The following CFAP44 variants were observed in gnomAD, a reference collection of about 807,000 sequenced individuals.
The protein encoded by CFAP44 is cilia- and flagella-associated protein 44.
Under a neutral mutation model 216.2 loss-of-function variants are expected in CFAP44, and 134 were observed. The ratio of observed to expected loss-of-function variants is 0.62; its 90% CI spans 0.54 to 0.72. CFAP44 has a LOEUF of 0.72. Among genes scored for constraint, CFAP44 ranks in the 30% least tolerant of loss-of-function variants. The pLI is 0.00. For synonymous variants in CFAP44, 700 were observed against 727.6 expected (o/e 0.96, Z 0.61); for missense variants, 2,035 against 2,182.1 (o/e 0.93, Z 1.34).
At chr3:113,324,746 G>C (rs1281633144) in intron 28 of CFAP44, among the ~76,000 whole-genome samples, 5 of 152,042 alleles carry the variant, frequency 3.3e-5, no homozygotes. Flanking sequence ...AATGAAATAG[G>C]CATCCTGATC....
chr3:113,349,711 G>A (rs1325256812), intron 22 of CFAP44, among the ~76,000 whole-genome samples: 1 of 152,202 alleles, frequency 6.6e-6, no homozygotes, highest in Non-Finnish European at 1.5e-5. Flanking sequence ...GGCTCCCGGG[G>A]CAAGTGCCAG....
intron 32 of CFAP44, among the ~76,000 whole-genome samples, chr3:113,298,764 C>T (rs978967075): frequency 2.0e-4 from 30 of 152,310 alleles, no homozygotes; most frequent in African/African-American, 7.2e-4. Flanking sequence ...TTATTCTCCT[C>T]ATTATGAAGT....
At chr3:113,358,363 T>A (rs888542996) in intron 22 of CFAP44, among the ~76,000 whole-genome samples, 1 of 152,042 alleles carries the variant, frequency 6.6e-6, no homozygotes, top group East Asian at 1.9e-4. Context: ...AATTGGTGCA[T>A]GAGAGGGATA....
chr3:113,426,070 C>G (rs1248748030), intron 4 of CFAP44, 54 bp downstream of exon 4: 16 of 1,591,740 alleles, frequency 1.0e-5, no homozygotes, highest in Admixed American at 1.8e-5. Context: ...TTGCTGACCT[C>G]TGACCTAAGA....
chr3:113,303,256 C>T (rs988525465), intron 32 of CFAP44, among the ~76,000 whole-genome samples: 1 of 152,076 alleles, frequency 6.6e-6, no homozygotes, highest in African/African-American at 2.4e-5. Context: ...CACACATGTG[C>T]ACAGGGAGAT....
At chr3:113,417,329 C>T (rs960616524) in intron 5 of CFAP44, 1 of 152,056 alleles carries the variant, frequency 6.6e-6, no homozygotes, top group Non-Finnish European at 1.5e-5. Flanking sequence ...GAGGAAAATA[C>T]AGTAAGTATG....
Position 113,296,797 on chromosome 3 carries a change from T to C in CFAP44, c.5166A>G (p.Thr1722=). ...TTCTGATCTTCAGTTCTTCAAGTGT[T>C]GTATTAACAGAAAGCGTTTGAAGGG... ...LEALQTLSVN[T]TLEELKIRKL... The change falls in exon 33 of 35, where the codon ACA becomes ACG. Residue 1722 remains threonine (T), a synonymous_variant. Transcript: ENST00000393845. 6.5e-7 allele frequency: 1 copy of C among 1,537,782 alleles called. No homozygotes were observed. The highest frequency in any genetic ancestry group is 8.7e-7 in the Non-Finnish European group (1 of 1,147,032).
intron 32 of CFAP44, among the ~76,000 whole-genome samples, chr3:113,301,584 T>C (rs1378923946): frequency 6.6e-6 from 1 of 152,182 alleles, no homozygotes; most frequent in East Asian, 1.9e-4. Flanking sequence ...TTAAGTGGGT[T>C]AAAAACCCAA....
chr3:113,291,692 A>G lies in CFAP44; in HGVS notation c.5430T>C (p.Thr1810=), dbSNP rs766731724. 3.3e-6 allele frequency: 5 copies of G among 1,537,118 alleles called. No individual in the cohort carries two copies. The South Asian group carries it at 6.0e-5, about 18-fold the overall frequency. Residue 1810 remains threonine, a synonymous_variant, in exon 35 of 35, where the codon ACT becomes ACC. Coordinates refer to ENST00000393845, the MANE Select transcript of CFAP44 (RefSeq NM_001164496.2). ...TTTCCGCCTGGAGTTGGATCAATTC[A>G]GTGACCTCCTCTCTTGCCACAACAT... The part of the protein sequence containing the change: ...EADVVAREEV[T]ELIQLQAERI...
intron 22 of CFAP44, among the ~76,000 whole-genome samples, chr3:113,348,310 T>C (rs1010939926): frequency 6.6e-6 from 1 of 152,158 alleles, no homozygotes; most frequent in Non-Finnish European, 1.5e-5. Flanking sequence ...TGGGACCAAT[T>C]TGACCCACAA....
chr3:113,350,318 CAG>C (rs1248131460), intron 22 of CFAP44, among the ~76,000 whole-genome samples: 1 of 148,166 alleles, frequency 6.7e-6, no homozygotes, highest in Non-Finnish European at 1.5e-5. Context: ...GACAGAAAGT[CAG>C]AGAGAGAGAA....
chr3:113,417,359 G>A (rs1183061276), intron 5 of CFAP44: 1 of 152,134 alleles, frequency 6.6e-6, no homozygotes, highest in African/African-American at 2.4e-5. Flanking sequence ...AACTATTTGT[G>A]TCAGTATTTT....
chr3:113,373,834 G>T (rs1933252555), intron 17 of CFAP44, among the ~76,000 whole-genome samples: 1 of 152,032 alleles, frequency 6.6e-6, no homozygotes, highest in Non-Finnish European at 1.5e-5. Context: ...CCTACCTACA[G>T]AATTTCATTT....
At chr3:113,304,896 T>C (rs1016768550) in intron 31 of CFAP44, 140 bp downstream of exon 31, 2 of 662,394 alleles carry the variant, frequency 3.0e-6, no homozygotes, top group African/African-American at 3.6e-5. Context: ...ATAAGACAAG[T>C]GTAGGTGTCA....
intron 22 of CFAP44, among the ~76,000 whole-genome samples, chr3:113,356,394 A>G (rs1950492608): frequency 6.6e-6 from 1 of 152,140 alleles, no homozygotes. Context: ...ATTCTATGCA[A>G]AGAACCTAAC....
At chr3:113,366,394 AATAACAAAGTTGT>A in intron 18 of CFAP44, 85 bp from the exon 19 acceptor site, 1 of 1,489,312 alleles carries the variant, frequency 6.7e-7, no homozygotes, top group Non-Finnish European at 9.1e-7. Flanking sequence ...TGGCTAAATT[AATAACAAAGTTGT>A]TATGGACTGA....
intron 17 of CFAP44, among the ~76,000 whole-genome samples, 196 bp downstream of exon 17, chr3:113,379,108 TAA>T (rs2107334819): frequency 6.6e-6 from 1 of 152,220 alleles, no homozygotes; most frequent in African/African-American, 2.4e-5. Flanking sequence ...AAAGAGATGT[TAA>T]GATTATTTAA....
At chr3:113,395,529 G>A (rs975098385) in intron 15 of CFAP44, among the ~76,000 whole-genome samples, 4 of 152,124 alleles carry the variant, frequency 2.6e-5, no homozygotes, top group Admixed American at 6.5e-5. Flanking sequence ...ATAAGCCCAC[G>A]GAAGAGAAAG....
At position 113,395,769 on chromosome 3, in the gene CFAP44, A is replaced by G. The variant is rs1179081501; in HGVS notation, c.1871T>C (p.Met624Thr). Residue 624 changes from methionine (M) to threonine (T), a missense_variant, in exon 15 of 35, where the codon ATG (methionine) becomes ACG (threonine). Coordinates refer to ENST00000393845, the MANE Select transcript of CFAP44 (RefSeq NM_001164496.2). ...INTPGPVCQL[M>T]WSPMSHPEST... ...ACTTACATGAGACATGGGAGACCAC[A>G]TTAACTGACACACAGGTCCAGGAGT... is the stretch of plus-strand genomic sequence containing the variant. 4 of 1,612,622 alleles carry G rather than the reference A, an allele frequency of 2.5e-6. No homozygotes were observed. The highest frequency in any genetic ancestry group is 2.5e-6 in the Non-Finnish European group (3 of 1,179,562).
Sources: allele counts gnomAD v4.1 joint callset (sites outside exome capture counted in the v4.1 genomes callset), GRCh38; gene constraint gnomAD v4.1.1; transcripts MANE v1.5; gene names NCBI Gene and HGNC (gene_info 2026-07-23, HGNC 2026-07-21).